POLN: variants seen among roughly 807,000 people sequenced by gnomAD.
The protein encoded by POLN is DNA polymerase N.
A neutral mutation model predicts 113.5 loss-of-function variants in POLN; 108 were observed. That is an observed-to-expected ratio of 0.95 (90% confidence interval 0.81 to 1.12). The LOEUF (loss-of-function observed/expected upper bound fraction) is 1.12. Among genes scored for constraint, POLN ranks in the 50% most tolerant of loss-of-function variants. The pLI is 0.00. For missense variants in POLN, 1,097 were observed against 1,077.1 expected (o/e 1.02, Z -0.26); for synonymous variants, 386 against 391.5 (o/e 0.99, Z 0.17).
chr4:2,156,926 A>C (rs1184166313), intron 15 of POLN, 73 bp from the exon 16 acceptor site: 2 of 1,261,446 alleles, frequency 1.6e-6, no homozygotes, highest in Non-Finnish European at 2.3e-6. Flanking sequence ...CGGAGCCTCC[A>C]CTCACAACAT....
At chr4:2,202,169 A>G (rs1192553243) in intron 5 of POLN, among the ~76,000 whole-genome samples, 1 of 152,222 alleles carries the variant, frequency 6.6e-6, no homozygotes, top group East Asian at 1.9e-4. Context: ...AAATAGTACA[A>G]TGAATGGAAT....
chr4:2,185,178 T>C (rs886868710), intron 7 of POLN, among the ~76,000 whole-genome samples: 2 of 152,226 alleles, frequency 1.3e-5, no homozygotes, highest in Non-Finnish European at 2.9e-5. Flanking sequence ...CATCCAAACA[T>C]TATATACCTC....
At chr4:2,132,200 A>G (rs1320371261) in intron 16 of POLN, among the ~76,000 whole-genome samples, 1 of 152,198 alleles carries the variant, frequency 6.6e-6, no homozygotes, top group Non-Finnish European at 1.5e-5. Flanking sequence ...TGATACCTCA[A>G]AAAATACCCA....
At chr4:2,147,955 C>T (rs1732191748) in intron 16 of POLN, among the ~76,000 whole-genome samples, 1 of 151,918 alleles carries the variant, frequency 6.6e-6, no homozygotes, top group Non-Finnish European at 1.5e-5. Flanking sequence ...GTTTTTCATT[C>T]AATACACACT....
intron 9 of POLN, 80 bp downstream of exon 9, chr4:2,176,186 C>A: frequency 8.7e-7 from 1 of 1,149,698 alleles, no homozygotes; most frequent in Non-Finnish European, 1.3e-6. Context: ...CACATTCAAA[C>A]TCCCTGGGAG....
chr4:2,097,845 G>A (rs1214043382), intron 19 of POLN, among the ~76,000 whole-genome samples: 2 of 152,194 alleles, frequency 1.3e-5, no homozygotes, highest in Non-Finnish European at 2.9e-5. Flanking sequence ...CTTGGTTGCT[G>A]TAAACCTTTG....
At chr4:2,205,001 T>C (rs773242444) in intron 5 of POLN, among the ~76,000 whole-genome samples, 2 of 152,152 alleles carry the variant, frequency 1.3e-5, no homozygotes, top group South Asian at 2.1e-4. Context: ...TGGAGAAAAG[T>C]TGAAAGCACT....
chr4:2,232,640 ATT>A (rs1434496089), intron 2 of POLN, among the ~76,000 whole-genome samples: 2 of 152,014 alleles, frequency 1.3e-5, no homozygotes, highest in Non-Finnish European at 2.9e-5. Context: ...TCCATTTTTC[ATT>A]TTTTCATATT....
At chr4:2,092,389 A>G (rs1730688831) in intron 20 of POLN, among the ~76,000 whole-genome samples, 1 of 152,230 alleles carries the variant, frequency 6.6e-6, no homozygotes, top group African/African-American at 2.4e-5. Flanking sequence ...TGCTGGGCTC[A>G]GCAGCAGCTG....
intron 13 of POLN, among the ~76,000 whole-genome samples, chr4:2,162,205 G>A (rs1362132224): frequency 6.6e-6 from 1 of 152,126 alleles, no homozygotes; most frequent in East Asian, 1.9e-4. Context: ...ACTTTTATGA[G>A]CTGTAACACT....
intron 19 of POLN, among the ~76,000 whole-genome samples, chr4:2,106,110 G>C (rs1307178359): frequency 6.6e-6 from 1 of 151,546 alleles, no homozygotes; most frequent in Non-Finnish European, 1.5e-5. Flanking sequence ...GCTAGCTAAT[G>C]AAATTCCAGA....
rs1302120098 is a variant in POLN, at chr4:2,140,361, G to A, written c.1732-9071C>T. ...CAAAGTGCTGGGATTACAGGTGTGA[G>A]CCACCGTGCCTGGCCAGGATTTGTT... On this transcript the variant is annotated intron_variant, in intron 16 of 25. Transcript: ENST00000511885. Among the ~76,000 whole-genome samples the A allele has an allele frequency of 2.0e-5, 3 of 152,316 alleles. No homozygotes were observed. The East Asian group carries it at 5.8e-4, about 29-fold the overall frequency.
At chr4:2,207,045 A>C (rs1301009169) in intron 5 of POLN, among the ~76,000 whole-genome samples, 1 of 152,248 alleles carries the variant, frequency 6.6e-6, no homozygotes, top group Non-Finnish European at 1.5e-5. Context: ...TGGTATATAC[A>C]TATGATGGAA....
intron 4 of POLN, among the ~76,000 whole-genome samples, chr4:2,210,888 T>G (rs1733976805): frequency 6.7e-6 from 1 of 148,544 alleles, no homozygotes; most frequent in Admixed American, 6.7e-5. Flanking sequence ...GCCACTGCAC[T>G]CCTGCCTTGG....
At chr4:2,087,699 C>T (rs1730581686) in intron 20 of POLN, among the ~76,000 whole-genome samples, 1 of 152,132 alleles carries the variant, frequency 6.6e-6, no homozygotes, top group Non-Finnish European at 1.5e-5. Flanking sequence ...GGATCTGTTT[C>T]CATGATTGCC....
intron 13 of POLN, among the ~76,000 whole-genome samples, chr4:2,169,374 G>C (rs1397318102): frequency 1.3e-5 from 2 of 152,240 alleles, no homozygotes; most frequent in Non-Finnish European, 2.9e-5. Flanking sequence ...CTATGGTAGA[G>C]ACGGGGGAAT....
At chr4:2,236,856 C>T (rs1022380956) in intron 2 of POLN, among the ~76,000 whole-genome samples, 3 of 150,488 alleles carry the variant, frequency 2.0e-5, no homozygotes, top group Non-Finnish European at 3.0e-5. Context: ...GAGTGAGACT[C>T]CGTCTCCAAA....
intron 2 of POLN, chr4:2,230,703 A>C (rs915372689): frequency 6.6e-6 from 1 of 152,036 alleles, no homozygotes; most frequent in Non-Finnish European, 1.5e-5. Context: ...CAAAACATGT[A>C]GTTTTTAGAT....
chr4:2,092,732 G>A (rs1387628029), intron 20 of POLN, among the ~76,000 whole-genome samples: 1 of 152,250 alleles, frequency 6.6e-6, no homozygotes, highest in African/African-American at 2.4e-5. Flanking sequence ...GCCGTTCAGA[G>A]GTATGTTATG....
Sources: allele counts gnomAD v4.1 joint callset (sites outside exome capture counted in the v4.1 genomes callset), GRCh38; gene constraint gnomAD v4.1.1; transcripts MANE v1.5; gene names NCBI Gene and HGNC (gene_info 2026-07-23, HGNC 2026-07-21).